Variants in MBP observed in about 807,000 individuals in gnomAD.
MBP encodes the protein myelin basic protein, also known as Golli-MBP.
Under a neutral mutation model 35.8 loss-of-function variants are expected in MBP, and 16 were observed. The observed-to-expected ratio is 0.45, with a 90% CI of 0.30 to 0.68. The LOEUF is 0.68. Ranked by LOEUF, MBP falls within the 30% of genes least tolerant of loss-of-function variation. MBP has a pLI of 0.08. For missense variants in MBP, 380 were observed against 404.7 expected (o/e 0.94, Z 0.52); for synonymous variants, 143 against 159.6 (o/e 0.90, Z 0.78).
At chr18:77,016,489 C>G in intron 4 of MBP, 7 of 1,141,712 alleles carry the variant, frequency 6.1e-6, no homozygotes, top group Non-Finnish European at 5.4e-6. Context: ...TCATCAAGTC[C>G]GCAAGCACAC....
Position 77,057,880 on chromosome 18 carries a change from G to A in MBP, c.139+8418C>T, listed in dbSNP as rs1283113212. On this transcript the variant is annotated intron_variant, in intron 3 of 8. Transcript: ENST00000355994. ...CTCGCTCTGTTGCCCAGGCTGGAGT[G>A]CAGTGGTGCGATCTCGGCTCACTGC... is the stretch of plus-strand genomic sequence containing the variant. Among the ~76,000 whole-genome samples, 4 of 9,820 alleles carry A rather than the reference G, an allele frequency of 4.1e-4. 2 individuals are homozygous for A. In the Admixed American group the frequency reaches 6.9e-3, roughly 17 times the overall value. The allele number at this position is 9,820 out of a possible 152,430, so 6.4% of individuals were successfully genotyped here.
chr18:77,038,024 C>T (rs1972846138), intron 3 of MBP, among the ~76,000 whole-genome samples: 1 of 152,194 alleles, frequency 6.6e-6, no homozygotes, highest in Non-Finnish European at 1.5e-5. Context: ...ATCAGATGCT[C>T]AAAAGGGTTC....
In MBP at chr18:77,131,858, GCGGCGCACGT is replaced by G. The variant is rs1977285826; in HGVS notation, c.-26+712_-26+721del. On this transcript the variant is annotated intron_variant, in intron 1 of 8. Transcript: ENST00000355994. The surrounding 1 kb of genome is among the most constrained non-coding windows in gnomAD (Gnocchi z 5.5). ...CGGGCGGGCCGGCGGGCGGCTGCGG[GCGGCGCACGT>G]GGGCCCAGGTGGGCGCAGCGACGGG... is the stretch of plus-strand genomic sequence containing the variant. Among the ~76,000 whole-genome samples the G allele has an allele frequency of 1.3e-5, 2 of 152,060 alleles. No individual in the cohort carries two copies. Among genetic ancestry groups the G allele is most frequent in the Non-Finnish European group, 2.9e-5 (2 of 67,984 alleles).
chr18:77,095,469 A>G (rs773482760), intron 2 of MBP: 8 of 152,262 alleles, frequency 5.3e-5, no homozygotes, highest in Non-Finnish European at 1.2e-4. Context: ...GCTCAATGGC[A>G]TGACAGCCGT....
At chr18:77,128,226 T>C (rs1277172645) in intron 1 of MBP, among the ~76,000 whole-genome samples, 1 of 152,198 alleles carries the variant, frequency 6.6e-6, no homozygotes, top group Non-Finnish European at 1.5e-5. Flanking sequence ...CCTATGGACA[T>C]GCTTGCCAAC....
At chr18:77,117,774 G>T (rs1293632682) in intron 1 of MBP, among the ~76,000 whole-genome samples, 5 of 128,490 alleles carry the variant, frequency 3.9e-5, no homozygotes, top group African/African-American at 3.1e-5. Context: ...CGTTGGAGTG[G>T]GATGGGGGTC....
chr18:76,998,985 G>C (rs550605716), intron 4 of MBP, among the ~76,000 whole-genome samples: 2 of 135,924 alleles, frequency 1.5e-5, no homozygotes, highest in Non-Finnish European at 3.3e-5. Context: ...TTTAAGAGCA[G>C]TGTTTTGGGG....
intron 8 of MBP, chr18:76,981,715 A>C (rs1359125741): frequency 6.6e-6 from 1 of 152,218 alleles, no homozygotes; most frequent in Non-Finnish European, 1.5e-5. Flanking sequence ...CTGGGGACTG[A>C]CAGGTGCAGG....
At position 77,081,804 on chromosome 18, in the gene MBP, ATG is replaced by A. The variant is rs369957673; in HGVS notation, c.52-15421_52-15420del. On this transcript the variant is annotated intron_variant, in intron 2 of 8. Transcript: ENST00000355994. ...CACACACACACACACGTATATATAT[ATG>A]CACACACATATATACACACACACAC... Among the ~76,000 whole-genome samples the A allele has an allele frequency of 9.8e-3, 1,145 of 117,120 alleles. 22 individuals are homozygous for A. The highest frequency in any genetic ancestry group is 0.033 in the African/African-American group (1,072 of 32,960). The allele number at this position is 117,120 out of a possible 152,430, so 76.8% of individuals were successfully genotyped here. A position where few individuals can be genotyped will look rare whatever the true frequency, so the allele number is the denominator to read the frequency against.
chr18:77,050,518 G>A (rs946330868), intron 3 of MBP, among the ~76,000 whole-genome samples: 19 of 152,062 alleles, frequency 1.2e-4, no homozygotes, highest in Admixed American at 6.5e-5. Flanking sequence ...TGTGTGCCTC[G>A]CAGGTACTAC....
chr18:77,026,859 C>T (rs914104646), intron 3 of MBP, among the ~76,000 whole-genome samples: 1 of 152,266 alleles, frequency 6.6e-6, no homozygotes, highest in South Asian at 2.1e-4. Flanking sequence ...GAGCAAGACC[C>T]CGTCTCTAAA....
intron 3 of MBP, among the ~76,000 whole-genome samples, chr18:77,041,940 A>G (rs1198954812): frequency 6.6e-6 from 1 of 151,870 alleles, no homozygotes; most frequent in Non-Finnish European, 1.5e-5. Flanking sequence ...AAAAAAAAAA[A>G]AGAATGGTCC....
At chr18:77,002,084 T>A (rs1180719865) in intron 4 of MBP, among the ~76,000 whole-genome samples, 1 of 152,218 alleles carries the variant, frequency 6.6e-6, no homozygotes, top group Non-Finnish European at 1.5e-5. Flanking sequence ...GTTGATAACA[T>A]CTGCCCCATT....
intron 2 of MBP, among the ~76,000 whole-genome samples, chr18:77,072,412 C>G (rs917278184): frequency 6.6e-6 from 1 of 152,192 alleles, no homozygotes; most frequent in Non-Finnish European, 1.5e-5. Flanking sequence ...TACGTCGTAT[C>G]AAAATCATTA....
chr18:77,030,936 C>T (rs1433366729), intron 3 of MBP, among the ~76,000 whole-genome samples: 2 of 152,158 alleles, frequency 1.3e-5, no homozygotes, highest in African/African-American at 4.8e-5. Context: ...CAAGTCAAGT[C>T]CTTCGGGGGC....
chr18:76,978,950 C>T lies in MBP; in HGVS notation c.*1477G>A, dbSNP rs2076428162. 6.6e-6 allele frequency: 1 copy of T among 152,220 alleles called. No individual in the cohort carries two copies. Among genetic ancestry groups the T allele is most frequent in the African/African-American group, 2.4e-5 (1 of 41,452 alleles). 9.4% of individuals were successfully genotyped at this position (152,220 alleles called of 1,614,324 possible). A position where few individuals can be genotyped will look rare whatever the true frequency, so the allele number is the denominator to read the frequency against. ...GCCACGTATGGATCGCAGAGCCGAC[C>T]TCAGCTCAGCGACGCAGAGTGCTTC... On this transcript the variant is annotated 3_prime_UTR_variant, in exon 9 of 9. Transcript: ENST00000355994.
At chr18:77,002,556 G>A (rs953012292) in intron 4 of MBP, among the ~76,000 whole-genome samples, 8 of 141,790 alleles carry the variant, frequency 5.6e-5, no homozygotes, top group Non-Finnish European at 9.6e-5. Context: ...AAAGCAAGGC[G>A]TCTTGGTTTT....
intron 3 of MBP, among the ~76,000 whole-genome samples, chr18:77,033,751 A>G (rs1200499628): frequency 9.2e-6 from 1 of 108,398 alleles, no homozygotes; most frequent in East Asian, 2.5e-4. Flanking sequence ...CCTATGCATC[A>G]ATCCACCCAT....
intron 3 of MBP, among the ~76,000 whole-genome samples, chr18:77,052,854 C>A (rs770524699): frequency 6.6e-6 from 1 of 152,174 alleles, no homozygotes; most frequent in Non-Finnish European, 1.5e-5. Context: ...GGCCCCCTCA[C>A]GCCATGTATA....
Sources: gnomAD v4.1 joint callset for allele counts (sites outside exome capture counted in the v4.1 genomes callset) on GRCh38, gnomAD v4.1.1 for gene constraint, Gnocchi (gnomAD v3.1) non-coding constraint, MANE v1.5 for transcripts, NCBI Gene and HGNC (gene_info 2026-07-23, HGNC 2026-07-21) for gene names.